Variants in LRRTM4 observed in about 807,000 individuals in gnomAD.
The protein encoded by LRRTM4 is leucine rich repeat transmembrane neuronal 4, also known as leucine-rich repeat transmembrane neuronal protein 4.
LRRTM4 carries 25 observed loss-of-function variants against 47.6 expected under a neutral mutation model. The observed-to-expected ratio is 0.53, with a 90% CI of 0.38 to 0.73. The LOEUF (loss-of-function observed/expected upper bound fraction) is 0.73. Ranked by LOEUF, LRRTM4 falls within the 30% of genes least tolerant of loss-of-function variation. LRRTM4 has a pLI of 0.00. For synonymous variants in LRRTM4, 311 were observed against 269.5 expected, an observed-to-expected ratio of 1.15 and a Z score of -1.51; for missense variants, 638 against 713.4, an observed-to-expected ratio of 0.89 and a Z score of 1.20.
At chr2:77,308,709 A>G (rs1677359711) in intron 3 of LRRTM4, among the ~76,000 whole-genome samples, 1 of 152,168 alleles carries the variant, frequency 6.6e-6, no homozygotes. Flanking sequence ...GTACATTGAC[A>G]AAGTTTGCTA....
chr2:77,359,567 T>C (rs1400240632), intron 3 of LRRTM4, among the ~76,000 whole-genome samples: 1 of 152,220 alleles, frequency 6.6e-6, no homozygotes, highest in Admixed American at 6.5e-5. Flanking sequence ...TTAGGTTTTA[T>C]GAAATATAGT....
chr2:77,108,592 C>CT (rs1193270795), intron 3 of LRRTM4, among the ~76,000 whole-genome samples: 4,317 of 99,652 alleles, frequency 0.043, 143 homozygotes, highest in African/African-American at 0.14. Flanking sequence ...TTTTTTTTTT[C>CT]TTTTTTTTTG....
At chr2:77,036,723 T>A (rs917845448) in intron 3 of LRRTM4, among the ~76,000 whole-genome samples, 1 of 151,730 alleles carries the variant, frequency 6.6e-6, no homozygotes, top group Non-Finnish European at 1.5e-5. Flanking sequence ...GCTTGGCTCT[T>A]GGCTAGTAAG....
chr2:77,351,368 A>G (rs936921559), intron 3 of LRRTM4, among the ~76,000 whole-genome samples: 3 of 151,858 alleles, frequency 2.0e-5, no homozygotes, highest in Non-Finnish European at 4.4e-5. Context: ...AACAGCAGCT[A>G]TATTTGAAGA....
At chr2:77,357,920 C>T (rs1173510579) in intron 3 of LRRTM4, among the ~76,000 whole-genome samples, 1 of 151,980 alleles carries the variant, frequency 6.6e-6, no homozygotes, top group African/African-American at 2.4e-5. Context: ...TTTATTTCCT[C>T]CCTGAACTTT....
intron 3 of LRRTM4, among the ~76,000 whole-genome samples, chr2:77,043,592 G>C (rs1035936842): frequency 2.0e-5 from 3 of 151,586 alleles, no homozygotes; most frequent in Middle Eastern, 3.4e-3. Flanking sequence ...AGAGAAGAGA[G>C]AGAAAGAGTT....
At chr2:77,507,166 A>C (rs1415138061) in intron 3 of LRRTM4, among the ~76,000 whole-genome samples, 1 of 152,082 alleles carries the variant, frequency 6.6e-6, no homozygotes, top group African/African-American at 2.4e-5. Flanking sequence ...TATCATGTTA[A>C]TCTACAAAAT....
intron 3 of LRRTM4, among the ~76,000 whole-genome samples, chr2:77,077,596 T>C (rs575014058): frequency 5.6e-4 from 85 of 152,176 alleles, no homozygotes; most frequent in Non-Finnish European, 9.0e-4. Context: ...TCTCCAAGTA[T>C]AGCTCAGTGA....
intron 3 of LRRTM4, among the ~76,000 whole-genome samples, chr2:77,323,815 G>C (rs1670648695): frequency 6.6e-6 from 1 of 152,054 alleles, no homozygotes; most frequent in Non-Finnish European, 1.5e-5. Flanking sequence ...CTATCTAGCT[G>C]TGTGGTCTTG....
chr2:77,497,847 A>C (rs1678421673), intron 3 of LRRTM4, among the ~76,000 whole-genome samples: 1 of 151,666 alleles, frequency 6.6e-6, no homozygotes, highest in Non-Finnish European at 1.5e-5. Flanking sequence ...AAGCAGAATA[A>C]CAGTATTACA....
intron 3 of LRRTM4, among the ~76,000 whole-genome samples, chr2:76,784,043 AT>A (rs1674539190): frequency 2.0e-5 from 3 of 152,152 alleles, no homozygotes; most frequent in Non-Finnish European, 2.9e-5. Context: ...GAAAACATAA[AT>A]AATTATTTTT....
chr2:76,797,853 T>C (rs923557843), intron 3 of LRRTM4, among the ~76,000 whole-genome samples: 5 of 151,214 alleles, frequency 3.3e-5, no homozygotes, highest in African/African-American at 1.2e-4. Context: ...CCAACAAAGA[T>C]CAAAAGAGAC....
intron 3 of LRRTM4, among the ~76,000 whole-genome samples, chr2:76,860,551 TGTGTGTGTGC>T (rs1672283577): frequency 6.6e-6 from 1 of 152,012 alleles, no homozygotes; most frequent in Non-Finnish European, 1.5e-5. Context: ...AGAATTTTGC[TGTGTGTGTGC>T]ATGTGTGTGT....
At chr2:76,899,344 C>T (rs1439564777) in intron 3 of LRRTM4, among the ~76,000 whole-genome samples, 1 of 128,494 alleles carries the variant, frequency 7.8e-6, no homozygotes, top group Non-Finnish European at 1.7e-5. Context: ...CACACACACA[C>T]ACACACACAT....
At chr2:76,908,853 C>G (rs891428357) in intron 3 of LRRTM4, among the ~76,000 whole-genome samples, 24 of 152,022 alleles carry the variant, frequency 1.6e-4, no homozygotes, top group East Asian at 3.9e-4. Context: ...AGGATACAAA[C>G]AAATGGAAGA....
chr2:77,432,758 C>A (rs1675434731), intron 3 of LRRTM4, among the ~76,000 whole-genome samples: 1 of 152,188 alleles, frequency 6.6e-6, no homozygotes, highest in Non-Finnish European at 1.5e-5. Flanking sequence ...CACAAACACC[C>A]AAACTCATGT....
chr2:77,374,707 G>T (rs1362726499), intron 3 of LRRTM4, among the ~76,000 whole-genome samples: 3 of 151,670 alleles, frequency 2.0e-5, no homozygotes, highest in Non-Finnish European at 4.4e-5. Flanking sequence ...CAAAATTCTT[G>T]ACTAGAGACC....
intron 3 of LRRTM4, among the ~76,000 whole-genome samples, chr2:77,132,610 C>G (rs143917514): frequency 6.6e-6 from 1 of 152,162 alleles, no homozygotes; most frequent in African/African-American, 2.4e-5. Flanking sequence ...AATGTTGCAT[C>G]CTCCAGAGGG....
intron 3 of LRRTM4, among the ~76,000 whole-genome samples, chr2:77,186,746 C>A (rs562656695): frequency 6.6e-6 from 1 of 152,048 alleles, no homozygotes; most frequent in Non-Finnish European, 1.5e-5. Flanking sequence ...TCCTTCAACT[C>A]ATTTATGGAG....
Sources: gnomAD v4.1 joint callset for allele counts (sites outside exome capture counted in the v4.1 genomes callset) on GRCh38, gnomAD v4.1.1 for gene constraint, MANE v1.5 for transcripts, NCBI Gene and HGNC (gene_info 2026-07-23, HGNC 2026-07-21) for gene names.